CDKAL1: variants seen among roughly 807,000 people sequenced by gnomAD.
CDKAL1 encodes the protein threonylcarbamoyladenosine tRNA methylthiotransferase.
Under a neutral mutation model 68.2 loss-of-function variants are expected in CDKAL1, and 32 were observed. The observed-to-expected ratio is 0.47, with a 90% CI of 0.35 to 0.63. The LOEUF (loss-of-function observed/expected upper bound fraction) is 0.63. CDKAL1 is among the 30% of genes least tolerant of loss of function. The pLI is 0.00. For missense variants in CDKAL1, 606 were observed against 696.7 expected (o/e 0.87, Z 1.47); for synonymous variants, 234 against 244.3 (o/e 0.96, Z 0.39).
At chr6:20,697,142 C>T (rs1478148475) in intron 5 of CDKAL1, among the ~76,000 whole-genome samples, 5 of 152,074 alleles carry the variant, frequency 3.3e-5, no homozygotes, top group Admixed American at 1.3e-4. Flanking sequence ...CTGGAAACTA[C>T]AAGATGTCAT....
At position 21,055,834 on chromosome 6, in the gene CDKAL1, G is replaced by A. The variant is rs532448968; in HGVS notation, c.1056-9214G>A. 2.0e-5 allele frequency among the ~76,000 whole-genome samples: 3 copies of A among 152,210 alleles called. No homozygotes were observed. The South Asian group carries it at 6.2e-4, about 32-fold the overall frequency. On this transcript the variant is annotated intron_variant, in intron 11 of 15. Coordinates refer to ENST00000274695, the MANE Select transcript of CDKAL1 (RefSeq NM_017774.3). ...GTGAATAGTGCTGCAATGAACATAC[G>A]TTTGCATGTATCTTTATAATAGGAT...
At chr6:20,841,000 T>C (rs371422162) in intron 8 of CDKAL1, among the ~76,000 whole-genome samples, 1 of 152,198 alleles carries the variant, frequency 6.6e-6, no homozygotes, top group Non-Finnish European at 1.5e-5. Flanking sequence ...TTTTGTAACA[T>C]TGGTTTTTTG....
chr6:20,793,802 T>TTATA (rs776962803), intron 8 of CDKAL1, among the ~76,000 whole-genome samples: 3 of 146,234 alleles, frequency 2.1e-5, no homozygotes, highest in Admixed American at 1.4e-4. Context: ...CAGATATATA[T>TTATA]TATATATATA....
At chr6:20,950,707 G>T (rs534988829) in intron 9 of CDKAL1, among the ~76,000 whole-genome samples, 15 of 152,078 alleles carry the variant, frequency 9.9e-5, no homozygotes, top group South Asian at 4.2e-4. Flanking sequence ...GGCTCATGCC[G>T]GTAATCCCAG....
intron 5 of CDKAL1, among the ~76,000 whole-genome samples, chr6:20,682,206 T>TG (rs1474268733): frequency 6.6e-6 from 1 of 152,028 alleles, no homozygotes; most frequent in Non-Finnish European, 1.5e-5. Flanking sequence ...CAAGAAACCC[T>TG]GGTTCTAGCT....
intron 12 of CDKAL1, among the ~76,000 whole-genome samples, chr6:21,074,372 T>C (rs998425167): frequency 3.3e-5 from 5 of 152,226 alleles, no homozygotes; most frequent in African/African-American, 9.7e-5. Context: ...GGGCCCACCC[T>C]GCTCTTCATC....
At chr6:21,045,401 A>C (rs771574703) in intron 11 of CDKAL1, among the ~76,000 whole-genome samples, 10 of 152,166 alleles carry the variant, frequency 6.6e-5, no homozygotes, top group Non-Finnish European at 1.5e-4. Flanking sequence ...GCATGAGGTA[A>C]AGTGTTAAAA....
At chr6:20,959,356 T>A (rs1183162855) in intron 10 of CDKAL1, among the ~76,000 whole-genome samples, 2 of 152,178 alleles carry the variant, frequency 1.3e-5, no homozygotes, top group South Asian at 2.1e-4. Context: ...GCTTATACAA[T>A]GCTGTAGTAA....
In CDKAL1 at chr6:20,846,110, A is replaced by G; in HGVS notation, c.674A>G (p.His225Arg). 1 of 1,613,358 alleles carries G rather than the reference A, an allele frequency of 6.2e-7. No individual in the cohort carries two copies. Among genetic ancestry groups the G allele is most frequent in the Non-Finnish European group, 8.5e-7 (1 of 1,179,516 alleles). ...LNACTYCKTKHARGNLASYPI... is the reference protein window; with the variant it reads ...LNACTYCKTKRARGNLASYPI... ...GCTTGTACCTACTGCAAAACTAAAC[A>G]CGCCAGAGGAAATTTGGCCAGTTAT... The change falls in exon 9 of 16, where the codon CAC becomes CGC. Residue 225 changes from histidine to arginine, a missense_variant. His to Arg is a conservative substitution (Grantham distance 29, BLOSUM62 0). Coordinates refer to ENST00000274695, the MANE Select transcript of CDKAL1 (RefSeq NM_017774.3).
intron 2 of CDKAL1, among the ~76,000 whole-genome samples, chr6:20,544,965 TTGTGTGTGTGTGTG>T (rs70990042): frequency 2.0e-5 from 3 of 149,366 alleles, no homozygotes; most frequent in East Asian, 2.0e-4. Flanking sequence ...GATTACAGTT[TTGTGTGTGTGTGTG>T]TGTGTGTGTG....
intron 5 of CDKAL1, among the ~76,000 whole-genome samples, chr6:20,724,769 A>G (rs1484176663): frequency 6.6e-6 from 1 of 152,194 alleles, no homozygotes; most frequent in African/African-American, 2.4e-5. Context: ...TCATAGTACT[A>G]CAGCTCTCAT....
intron 11 of CDKAL1, among the ~76,000 whole-genome samples, chr6:21,058,696 A>G (rs1770970139): frequency 6.6e-6 from 1 of 152,194 alleles, no homozygotes; most frequent in Non-Finnish European, 1.5e-5. Flanking sequence ...GAGCTGTTGC[A>G]AGGCAGGCCT....
At chr6:20,820,843 A>G (rs1025089513) in intron 8 of CDKAL1, among the ~76,000 whole-genome samples, 2 of 152,114 alleles carry the variant, frequency 1.3e-5, no homozygotes, top group African/African-American at 2.4e-5. Context: ...TGGAGTTTCA[A>G]TTCTAGTGGT....
intron 4 of CDKAL1, among the ~76,000 whole-genome samples, chr6:20,580,462 T>TGA (rs1411984160): frequency 6.6e-6 from 1 of 152,110 alleles, no homozygotes; most frequent in East Asian, 1.9e-4. Flanking sequence ...GATGCATCAG[T>TGA]GACTGTGCTG....
At chr6:20,697,285 T>C (rs1771148289) in intron 5 of CDKAL1, among the ~76,000 whole-genome samples, 1 of 152,198 alleles carries the variant, frequency 6.6e-6, no homozygotes, top group African/African-American at 2.4e-5. Context: ...GCATAGAGCA[T>C]CATTGTTGGA....
At chr6:20,754,084 G>T (rs1376424386) in intron 6 of CDKAL1, among the ~76,000 whole-genome samples, 1 of 151,986 alleles carries the variant, frequency 6.6e-6, no homozygotes, top group Admixed American at 6.6e-5. Flanking sequence ...GGCTCAAGCG[G>T]TCTTTCCCCC....
intron 8 of CDKAL1, among the ~76,000 whole-genome samples, chr6:20,798,896 A>G (rs1256053863): frequency 6.8e-6 from 1 of 146,418 alleles, no homozygotes; most frequent in Admixed American, 6.9e-5. Flanking sequence ...CGTGTACCCT[A>G]GAACTTAAAG....
chr6:21,088,391 G>A (rs1409756687), intron 12 of CDKAL1, among the ~76,000 whole-genome samples: 1 of 152,174 alleles, frequency 6.6e-6, no homozygotes. Context: ...CTACAGATAT[G>A]TAGTTAAATA....
intron 10 of CDKAL1, among the ~76,000 whole-genome samples, chr6:20,962,050 G>C (rs17236694): frequency 1.3e-5 from 2 of 152,140 alleles, no homozygotes; most frequent in Non-Finnish European, 2.9e-5. Context: ...TACAACCTGC[G>C]CCAGAGAGGG....
Sources: allele counts gnomAD v4.1 joint callset (sites outside exome capture counted in the v4.1 genomes callset), GRCh38; gene constraint gnomAD v4.1.1; transcripts MANE v1.5; gene names NCBI Gene and HGNC (gene_info 2026-07-23, HGNC 2026-07-21).